CNTNAP2: variants seen among roughly 807,000 people sequenced by gnomAD.
CNTNAP2 encodes contactin associated protein 2.
CNTNAP2 carries 98 observed loss-of-function variants against 155.2 expected under a neutral mutation model. The ratio of observed to expected loss-of-function variants is 0.63; its 90% CI spans 0.54 to 0.75. CNTNAP2 has a LOEUF of 0.75. Among genes scored for constraint, CNTNAP2 ranks in the 30% least tolerant of loss-of-function variants. CNTNAP2 has a pLI of 0.00. For synonymous variants in CNTNAP2, 651 were observed against 631.2 expected, an observed-to-expected ratio of 1.03 and a Z score of -0.47; for missense variants, 1,727 against 1,688.1, an observed-to-expected ratio of 1.02 and a Z score of -0.40.
chr7:148,213,663 C>G (rs1373143689), intron 18 of CNTNAP2, among the ~76,000 whole-genome samples: 1 of 152,082 alleles, frequency 6.6e-6, no homozygotes, highest in East Asian at 1.9e-4. Context: ...CCCACATTCT[C>G]TAGCAGAACC....
chr7:147,873,772 G>T (rs548485978), intron 13 of CNTNAP2, among the ~76,000 whole-genome samples: 1 of 152,070 alleles, frequency 6.6e-6, no homozygotes, highest in African/African-American at 2.4e-5. Flanking sequence ...AATCTCATCC[G>T]AGACAAGGCA....
chr7:147,225,962 A>G (rs1022972629), intron 8 of CNTNAP2, among the ~76,000 whole-genome samples: 9 of 151,700 alleles, frequency 5.9e-5, no homozygotes, highest in South Asian at 2.1e-4. Context: ...AAAGAGAGAA[A>G]GGAAGAAAGA....
chr7:148,221,779 C>T (rs1326735969), intron 19 of CNTNAP2, among the ~76,000 whole-genome samples: 1 of 152,114 alleles, frequency 6.6e-6, no homozygotes, highest in Non-Finnish European at 1.5e-5. Flanking sequence ...ACTTGTGTTC[C>T]CAAGGTCAGT....
At chr7:147,203,417 A>G (rs544031879) in intron 8 of CNTNAP2, among the ~76,000 whole-genome samples, 68 of 152,074 alleles carry the variant, frequency 4.5e-4, no homozygotes, top group African/African-American at 1.5e-3. Flanking sequence ...TTTTTAGTAG[A>G]GATAGTGTTT....
chr7:147,531,051 C>G (rs970451639), intron 11 of CNTNAP2, among the ~76,000 whole-genome samples: 18 of 152,162 alleles, frequency 1.2e-4, no homozygotes, highest in African/African-American at 4.3e-4. Context: ...TCCTTTGACC[C>G]CAGATCTGAC....
intron 8 of CNTNAP2, among the ~76,000 whole-genome samples, chr7:147,289,511 G>T (rs552419646): frequency 6.6e-6 from 1 of 152,110 alleles, no homozygotes; most frequent in East Asian, 1.9e-4. Context: ...AGGAAGGAAG[G>T]CAGGCATCTG....
intron 11 of CNTNAP2, among the ~76,000 whole-genome samples, chr7:147,547,583 G>T (rs1253945061): frequency 6.6e-6 from 1 of 151,412 alleles, no homozygotes; most frequent in East Asian, 2.0e-4. Context: ...GAGGAGCTTT[G>T]TTTTTGTTTT....
intron 9 of CNTNAP2, among the ~76,000 whole-genome samples, chr7:147,341,891 A>G (rs1795771207): frequency 6.6e-6 from 1 of 152,324 alleles, no homozygotes; most frequent in African/African-American, 2.4e-5. Flanking sequence ...TATATACATT[A>G]AGAACTGTCT....
chr7:146,389,568 C>G (rs1446004282), intron 1 of CNTNAP2, among the ~76,000 whole-genome samples: 1 of 151,326 alleles, frequency 6.6e-6, no homozygotes, highest in African/African-American at 2.4e-5. Context: ...AAAATAAGAG[C>G]TTTTTCTTGT....
At chr7:146,135,344 A>C (rs1194950990) in intron 1 of CNTNAP2, among the ~76,000 whole-genome samples, 2 of 152,126 alleles carry the variant, frequency 1.3e-5, no homozygotes, top group African/African-American at 4.8e-5. Context: ...TCCACTAACT[A>C]GTTGGATAGC....
intron 13 of CNTNAP2, among the ~76,000 whole-genome samples, chr7:147,721,161 G>T (rs1267553746): frequency 6.6e-6 from 1 of 152,000 alleles, no homozygotes; most frequent in Non-Finnish European, 1.5e-5. Flanking sequence ...CTGTAATTGA[G>T]TTGGTACTAA....
intron 8 of CNTNAP2, among the ~76,000 whole-genome samples, chr7:147,182,934 A>G (rs911123304): frequency 2.0e-5 from 3 of 152,190 alleles, no homozygotes; most frequent in African/African-American, 7.2e-5. Context: ...TATTGAACTT[A>G]TCTCCCAAGG....
intron 1 of CNTNAP2, among the ~76,000 whole-genome samples, chr7:146,699,840 T>C (rs919224067): frequency 2.6e-5 from 4 of 151,984 alleles, no homozygotes; most frequent in African/African-American, 7.3e-5. Flanking sequence ...TGATGATACA[T>C]ATTCATAATT....
At chr7:147,913,126 G>T (rs569788514) in intron 14 of CNTNAP2, among the ~76,000 whole-genome samples, 1 of 152,314 alleles carries the variant, frequency 6.6e-6, no homozygotes, top group South Asian at 2.1e-4. Context: ...GGGAGAAAAA[G>T]CCAAGACAAA....
At chr7:146,292,804 A>C (rs959118730) in intron 1 of CNTNAP2, among the ~76,000 whole-genome samples, 29 of 152,322 alleles carry the variant, frequency 1.9e-4, no homozygotes, top group African/African-American at 6.3e-4. Context: ...ACTCTCACGT[A>C]TATGTGGAAT....
At position 147,091,669 on chromosome 7, in the gene CNTNAP2, G is replaced by T. The variant is rs566221512; in HGVS notation, c.551-16478G>T. 4.0e-5 allele frequency among the ~76,000 whole-genome samples: 6 copies of T among 150,722 alleles called. No individual in the cohort carries two copies. The East Asian group carries it at 9.8e-4, about 25-fold the overall frequency. On this transcript the variant is annotated intron_variant, in intron 4 of 23. Transcript: ENST00000361727. The stretch of plus-strand genomic sequence containing the variant: ...TGCCCAGGCTGGAGTGCAGTGGTGC[G>T]ATCTCGGCTCACTGCAAGCTCCGCC...
intron 15 of CNTNAP2, among the ~76,000 whole-genome samples, chr7:147,980,657 G>A (rs1801507017): frequency 6.6e-6 from 1 of 151,962 alleles, no homozygotes; most frequent in Non-Finnish European, 1.5e-5. Flanking sequence ...GGGCGCGGTG[G>A]CTCACACCTG....
intron 10 of CNTNAP2, among the ~76,000 whole-genome samples, chr7:147,475,911 A>G (rs1186266211): frequency 1.3e-5 from 2 of 152,138 alleles, no homozygotes; most frequent in African/African-American, 4.8e-5. Flanking sequence ...CCTAATTTGT[A>G]TAAGTCTTTG....
At chr7:147,724,903 A>G (rs992098930) in intron 13 of CNTNAP2, among the ~76,000 whole-genome samples, 1 of 151,860 alleles carries the variant, frequency 6.6e-6, no homozygotes, top group African/African-American at 2.4e-5. Context: ...GATGACTGGA[A>G]TGAATGACTA....
Sources: allele counts gnomAD v4.1 joint callset (sites outside exome capture counted in the v4.1 genomes callset), GRCh38; gene constraint gnomAD v4.1.1; transcripts MANE v1.5; gene names NCBI Gene and HGNC (gene_info 2026-07-23, HGNC 2026-07-21).